Variants in PTPRN2 observed in about 807,000 individuals in gnomAD.
PTPRN2 encodes receptor-type tyrosine-protein phosphatase N2.
A neutral mutation model predicts 118.8 loss-of-function variants in PTPRN2; 74 were observed. That is an observed-to-expected ratio of 0.62 (90% CI 0.52 to 0.76). The LOEUF (loss-of-function observed/expected upper bound fraction) is 0.76, where lower values mean the gene tolerates loss of function less well. PTPRN2 is among the 30% of genes least tolerant of loss of function. The pLI is 0.00. For synonymous variants in PTPRN2, 641 were observed against 608.0 expected (o/e 1.05, Z -0.80); for missense variants, 1,481 against 1,394.4 (o/e 1.06, Z -0.99).
At chr7:158,564,816 A>T (rs1827579495) in intron 1 of PTPRN2, among the ~76,000 whole-genome samples, 1 of 152,262 alleles carries the variant, frequency 6.6e-6, no homozygotes, top group Non-Finnish European at 1.5e-5. Context: ...AGCCCAGGAA[A>T]TGGCTCTGTG....
chr7:158,553,805 C>T (rs1464440964), intron 1 of PTPRN2, among the ~76,000 whole-genome samples: 1 of 151,314 alleles, frequency 6.6e-6, no homozygotes, highest in Non-Finnish European at 1.5e-5. Flanking sequence ...TGGGGGATCC[C>T]AGCTCCTAAC....
intron 3 of PTPRN2, among the ~76,000 whole-genome samples, chr7:158,270,199 A>G (rs1798216340): frequency 6.6e-6 from 1 of 152,264 alleles, no homozygotes. Flanking sequence ...GCAGTGACTC[A>G]GGGCCTGGAG....
At chr7:158,481,710 C>T (rs773389997) in intron 2 of PTPRN2, among the ~76,000 whole-genome samples, 8 of 152,332 alleles carry the variant, frequency 5.3e-5, no homozygotes, top group South Asian at 2.1e-4. Flanking sequence ...GATCCACCTG[C>T]GTCGGCCTCC....
chr7:157,600,309 G>A (rs897916504), intron 16 of PTPRN2, among the ~76,000 whole-genome samples: 1 of 152,056 alleles, frequency 6.6e-6, no homozygotes, highest in Non-Finnish European at 1.5e-5. Context: ...AAAGCAAATT[G>A]CATGAAACGC....
chr7:158,386,388 A>G (rs79634764), intron 2 of PTPRN2, among the ~76,000 whole-genome samples: 49 of 61,564 alleles, frequency 8.0e-4, no homozygotes, highest in South Asian at 1.2e-3. Flanking sequence ...CCCGTGCCCC[A>G]AGTCCCTCCT....
intron 11 of PTPRN2, among the ~76,000 whole-genome samples, chr7:158,070,770 CAT>C (rs1811276683): frequency 1.5e-5 from 1 of 67,020 alleles, no homozygotes; most frequent in African/African-American, 7.0e-5. Context: ...TGGAGGTGCT[CAT>C]GGTGGAGGTG....
At chr7:158,523,064 A>G (rs1271244431) in intron 1 of PTPRN2, among the ~76,000 whole-genome samples, 1 of 152,234 alleles carries the variant, frequency 6.6e-6, no homozygotes, top group African/African-American at 2.4e-5. Context: ...GGCTGCTGAC[A>G]TCTTGAAAAC....
At chr7:158,355,166 C>G (rs905482095) in intron 2 of PTPRN2, among the ~76,000 whole-genome samples, 3 of 152,198 alleles carry the variant, frequency 2.0e-5, no homozygotes, top group African/African-American at 4.8e-5. Context: ...ACAATAAATG[C>G]TGAAGAGATC....
intron 3 of PTPRN2, among the ~76,000 whole-genome samples, chr7:158,209,875 T>C (rs1827454340): frequency 1.3e-5 from 2 of 152,160 alleles, no homozygotes; most frequent in African/African-American, 4.8e-5. Flanking sequence ...GGAATAACAC[T>C]AGAAATCAAT....
chr7:158,196,526 T>C (rs558410424), intron 4 of PTPRN2, among the ~76,000 whole-genome samples: 5 of 152,298 alleles, frequency 3.3e-5, no homozygotes, highest in South Asian at 4.1e-4. Context: ...GCCTCTGTCA[T>C]GACCACACTG....
intron 2 of PTPRN2, among the ~76,000 whole-genome samples, chr7:158,411,135 T>A (rs915153394): frequency 2.6e-5 from 4 of 152,056 alleles, no homozygotes; most frequent in African/African-American, 9.7e-5. Context: ...TCCACCTGTT[T>A]CTGTGTCATG....
rs1458437304 is a variant in PTPRN2 at position 157,550,774 on chromosome 7, G to C, written c.2903-1755C>G. ...TCTTTTGCGGCAGCCCGTGAGCTCG[G>C]CCACCAGGGAACTAGCTGGCAGCTC... On this transcript the variant is annotated intron_variant, in intron 21 of 22. Transcript: ENST00000389418. The surrounding 1 kb of genome is among the most constrained non-coding windows in gnomAD (Gnocchi z 5.2). 6.6e-6 allele frequency among the ~76,000 whole-genome samples: 1 copy of C among 152,210 alleles called. No homozygotes were observed. The highest frequency in any genetic ancestry group is 2.4e-5 in the African/African-American group (1 of 41,460).
chr7:157,646,354 GTT>G (rs1453833635), intron 14 of PTPRN2, among the ~76,000 whole-genome samples: 2 of 152,066 alleles, frequency 1.3e-5, no homozygotes, highest in Non-Finnish European at 2.9e-5. Flanking sequence ...CTCCCCATCT[GTT>G]CTCTCCCTCC....
intron 12 of PTPRN2, among the ~76,000 whole-genome samples, chr7:157,871,614 A>AT (rs200152998): frequency 3.8e-4 from 57 of 150,434 alleles, no homozygotes; most frequent in Middle Eastern, 3.4e-3. Context: ...TCCTCCTTTT[A>AT]TTTTTTTTTG....
intron 5 of PTPRN2, among the ~76,000 whole-genome samples, chr7:158,179,958 G>T (rs758590025): frequency 6.6e-6 from 1 of 152,234 alleles, no homozygotes; most frequent in African/African-American, 2.4e-5. Context: ...TGACTGCAAA[G>T]CTTCCCTGAG....
chr7:158,431,740 C>G (rs1487654161), intron 2 of PTPRN2, among the ~76,000 whole-genome samples: 3 of 147,986 alleles, frequency 2.0e-5, no homozygotes, highest in African/African-American at 7.5e-5. Context: ...CTCACACTGG[C>G]CACACACTGG....
At chr7:158,368,890 T>C (rs1467777386) in intron 2 of PTPRN2, among the ~76,000 whole-genome samples, 1 of 152,110 alleles carries the variant, frequency 6.6e-6, no homozygotes, top group Non-Finnish European at 1.5e-5. Context: ...TAACACTGAG[T>C]GTCAACTTGA....
intron 5 of PTPRN2, among the ~76,000 whole-genome samples, chr7:158,171,763 C>G (rs1055261822): frequency 1.3e-5 from 2 of 152,176 alleles, no homozygotes; most frequent in African/African-American, 4.8e-5. Flanking sequence ...TTCTGTGACT[C>G]ATTTTCAAAC....
chr7:158,179,599 A>G (rs1190857954), intron 5 of PTPRN2, among the ~76,000 whole-genome samples: 1 of 152,214 alleles, frequency 6.6e-6, no homozygotes, highest in Non-Finnish European at 1.5e-5. Flanking sequence ...TTAATCTTCT[A>G]GAAGTTTTAT....
Sources: allele counts gnomAD v4.1 joint callset (sites outside exome capture counted in the v4.1 genomes callset), GRCh38; gene constraint gnomAD v4.1.1; non-coding constraint Gnocchi (gnomAD v3.1); transcripts MANE v1.5; gene names NCBI Gene and HGNC (gene_info 2026-07-23, HGNC 2026-07-21).